The following ACSS3 variants were observed in gnomAD, a reference collection of about 807,000 sequenced individuals.
ACSS3 encodes acyl-CoA synthetase short-chain family member 3, mitochondrial.
In ACSS3, 64 loss-of-function variants were observed where a neutral mutation model predicts 84.2. The ratio of observed to expected loss-of-function variants is 0.76; its 90% CI spans 0.62 to 0.94. The LOEUF (loss-of-function observed/expected upper bound fraction) is 0.94. ACSS3 is among the 40% of genes least tolerant of loss of function. The probability of loss-of-function intolerance (pLI) is 0.00; values close to 1 mark genes in which losing one functional copy is unlikely to be tolerated. For synonymous variants in ACSS3, 317 were observed against 310.1 expected, an observed-to-expected ratio of 1.02 and a Z score of -0.23; for missense variants, 815 against 867.6, an observed-to-expected ratio of 0.94 and a Z score of 0.76.
At chr12:81,202,072 G>C (rs2135903884) in intron 9 of ACSS3, among the ~76,000 whole-genome samples, 1 of 152,220 alleles carries the variant, frequency 6.6e-6, no homozygotes, top group East Asian at 1.9e-4. Flanking sequence ...GAGGTCAGGA[G>C]TTCGAGACCA....
chr12:81,155,655 C>A (rs533769700), intron 7 of ACSS3, among the ~76,000 whole-genome samples: 92 of 152,338 alleles, frequency 6.0e-4, no homozygotes, highest in African/African-American at 2.1e-3. Context: ...TTATTCAGTA[C>A]TTATCAAAAG....
At chr12:81,185,334 G>A (rs780218033) in intron 8 of ACSS3, among the ~76,000 whole-genome samples, 3 of 151,586 alleles carry the variant, frequency 2.0e-5, no homozygotes, top group Admixed American at 2.0e-4. Flanking sequence ...CATAATACTG[G>A]AGTACTAGCA....
chr12:81,132,243 A>C (rs535825977), intron 2 of ACSS3, among the ~76,000 whole-genome samples: 53 of 152,226 alleles, frequency 3.5e-4, no homozygotes, highest in Admixed American at 3.0e-3. Context: ...TTTGGCTGTG[A>C]ATCTGTCTGG....
chr12:81,096,438 A>C (rs986379900), intron 1 of ACSS3, among the ~76,000 whole-genome samples: 1 of 152,222 alleles, frequency 6.6e-6, no homozygotes, highest in Non-Finnish European at 1.5e-5. Flanking sequence ...ATGGATACTT[A>C]AAAGCGGACA....
At chr12:81,160,454 G>C (rs1389847104) in intron 7 of ACSS3, among the ~76,000 whole-genome samples, 1 of 152,184 alleles carries the variant, frequency 6.6e-6, no homozygotes, top group African/African-American at 2.4e-5. Flanking sequence ...TCTGAATGAT[G>C]GTACAGGAGT....
chr12:81,211,769 A>G (rs1473385017), intron 9 of ACSS3, among the ~76,000 whole-genome samples: 1 of 152,212 alleles, frequency 6.6e-6, no homozygotes, highest in African/African-American at 2.4e-5. Context: ...TTTTTTGTTC[A>G]GAAGCCCTCA....
intron 9 of ACSS3, among the ~76,000 whole-genome samples, chr12:81,206,081 A>T (rs1368766685): frequency 2.0e-5 from 3 of 152,134 alleles, no homozygotes; most frequent in Non-Finnish European, 2.9e-5. Context: ...ATTAGCAAAT[A>T]TTCCTCTGTC....
chr12:81,211,298 G>C (rs1032032098), intron 9 of ACSS3, among the ~76,000 whole-genome samples: 1 of 151,912 alleles, frequency 6.6e-6, no homozygotes, highest in African/African-American at 2.4e-5. Flanking sequence ...TTCAATTTTT[G>C]TGGATACATG....
chr12:81,102,975 TG>T (rs1190269921), intron 1 of ACSS3, among the ~76,000 whole-genome samples: 1 of 152,204 alleles, frequency 6.6e-6, no homozygotes, highest in Non-Finnish European at 1.5e-5. Context: ...TGCACACATG[TG>T]TTAGATTGTG....
chr12:81,217,115 C>A, intron 10 of ACSS3, 119 bp downstream of exon 10: 5 of 662,880 alleles, frequency 7.5e-6, no homozygotes, highest in Non-Finnish European at 1.0e-5. Context: ...TGAATGAATG[C>A]CTTGTATTAA....
chr12:81,125,401 C>A (rs1020860866), intron 2 of ACSS3, among the ~76,000 whole-genome samples: 1 of 152,166 alleles, frequency 6.6e-6, no homozygotes, highest in African/African-American at 2.4e-5. Flanking sequence ...ATGCTTTCTT[C>A]TTATTAATTC....
At chr12:81,108,264 A>ATTAATTATT (rs1555245677) in intron 1 of ACSS3, among the ~76,000 whole-genome samples, 2 of 142,338 alleles carry the variant, frequency 1.4e-5, no homozygotes, top group Non-Finnish European at 3.1e-5. Context: ...TATTATTATT[A>ATTAATTATT]ATTATTATTA....
At chr12:81,109,938 T>C (rs1387504016) in intron 2 of ACSS3, among the ~76,000 whole-genome samples, 1 of 152,158 alleles carries the variant, frequency 6.6e-6, no homozygotes, top group Non-Finnish European at 1.5e-5. Context: ...AGGGAGAGGA[T>C]GGCAAATCCT....
Position 81,082,026 on chromosome 12 carries a change from C to G in ACSS3, c.311+3595C>G, listed in dbSNP as rs534429734. ...TGAAAGAGATAGTGAAGGAACTCAC[C>G]ACACAGCAGCGTGAAAGACATGCAT... On this transcript the variant is annotated intron_variant, in intron 1 of 15. Transcript: ENST00000548058. Among the ~76,000 whole-genome samples, 284 of 152,316 alleles carry G rather than the reference C, an allele frequency of 1.9e-3. 1 individual carries two copies. The highest frequency in any genetic ancestry group is 3.6e-3 in the Non-Finnish European group (242 of 68,028).
At chr12:81,190,825 T>C (rs1168215429) in intron 8 of ACSS3, among the ~76,000 whole-genome samples, 5 of 152,096 alleles carry the variant, frequency 3.3e-5, no homozygotes, top group Non-Finnish European at 7.4e-5. Flanking sequence ...TGTTTTTTCT[T>C]CATCTTCTGA....
intron 5 of ACSS3, among the ~76,000 whole-genome samples, chr12:81,150,807 G>A (rs1565692672): frequency 6.6e-6 from 1 of 152,162 alleles, no homozygotes; most frequent in Non-Finnish European, 1.5e-5. Context: ...GTGTGTTAAG[G>A]TGCAGAGCTA....
In ACSS3 at chr12:81,078,114, G is replaced by A. The variant is rs1287933319; in HGVS notation, c.-7G>A. On this transcript the variant is annotated 5_prime_UTR_variant, in exon 1 of 16. Coordinates refer to ENST00000548058, the MANE Select transcript of ACSS3 (RefSeq NM_024560.4). ...GCACACTCGGGGACCGCGGGTGGCCGGAGGAGATGAAACCGTCTTGGCTGC... is the reference window on the plus strand; with the variant it reads ...GCACACTCGGGGACCGCGGGTGGCCAGAGGAGATGAAACCGTCTTGGCTGC... 4 of 1,468,880 alleles carry A rather than the reference G, an allele frequency of 2.7e-6. No individual in the cohort carries two copies. The highest frequency in any genetic ancestry group is 1.4e-5 in the South Asian group (1 of 71,980). 91.0% of individuals were successfully genotyped at this position (1,468,880 alleles called of 1,614,324 possible). A position where few individuals can be genotyped will look rare whatever the true frequency, so the allele number is the denominator to read the frequency against.
intron 1 of ACSS3, among the ~76,000 whole-genome samples, chr12:81,101,746 T>C (rs1247733596): frequency 6.6e-6 from 1 of 152,096 alleles, no homozygotes; most frequent in Non-Finnish European, 1.5e-5. Flanking sequence ...ACTATAACTA[T>C]GTATGATTTT....
intron 1 of ACSS3, among the ~76,000 whole-genome samples, chr12:81,095,729 C>T (rs1188362541): frequency 6.6e-6 from 1 of 152,052 alleles, no homozygotes; most frequent in Non-Finnish European, 1.5e-5. Flanking sequence ...AGCTTTAATC[C>T]GAGATGATCT....
Sources: gnomAD v4.1 joint callset for allele counts (sites outside exome capture counted in the v4.1 genomes callset) on GRCh38, gnomAD v4.1.1 for gene constraint, MANE v1.5 for transcripts, NCBI Gene and HGNC (gene_info 2026-07-23, HGNC 2026-07-21) for gene names.